The following NKAIN2 variants were observed in gnomAD, a reference collection of about 807,000 sequenced individuals.
The protein encoded by NKAIN2 is sodium/potassium-transporting ATPase subunit beta-1-interacting protein 2.
A neutral mutation model predicts 32.6 loss-of-function variants in NKAIN2; 14 were observed. The observed-to-expected ratio is 0.43, with a 90% CI of 0.28 to 0.67. The LOEUF is 0.67. Ranked by LOEUF, NKAIN2 falls within the 30% of genes least tolerant of loss-of-function variation. The pLI, the probability that NKAIN2 is intolerant of heterozygous loss-of-function variation, is 0.17. For synonymous variants in NKAIN2, 80 were observed against 87.2 expected, an observed-to-expected ratio of 0.92 and a Z score of 0.46; for missense variants, 198 against 258.3, an observed-to-expected ratio of 0.77 and a Z score of 1.60.
intron 3 of NKAIN2, among the ~76,000 whole-genome samples, chr6:124,545,798 G>T (rs546283584): frequency 6.6e-6 from 1 of 152,004 alleles, no homozygotes; most frequent in South Asian, 2.1e-4. Context: ...GGTAAAATTG[G>T]CTTTCACTTA....
chr6:124,320,137 T>A (rs552735055), intron 2 of NKAIN2, among the ~76,000 whole-genome samples: 69 of 152,278 alleles, frequency 4.5e-4, no homozygotes, highest in African/African-American at 1.6e-3. Context: ...GCTCTTTTAA[T>A]TGAGAAAATC....
chr6:124,250,985 CTAAAG>C (rs1317501848), intron 1 of NKAIN2, among the ~76,000 whole-genome samples: 23 of 151,666 alleles, frequency 1.5e-4, no homozygotes, highest in African/African-American at 5.1e-4. Context: ...TCTAAAACAG[CTAAAG>C]TAATCACTAA....
chr6:123,876,806 T>A (rs576393517), intron 1 of NKAIN2, among the ~76,000 whole-genome samples: 4 of 152,352 alleles, frequency 2.6e-5, no homozygotes, highest in African/African-American at 9.6e-5. Context: ...AATGCCAATC[T>A]TTTCTGGAAA....
At chr6:124,207,610 G>A (rs1790960589) in intron 1 of NKAIN2, among the ~76,000 whole-genome samples, 2 of 151,504 alleles carry the variant, frequency 1.3e-5, no homozygotes, top group South Asian at 4.2e-4. Context: ...ACTAAGCTTG[G>A]CACATAACTG....
At chr6:124,103,488 C>G (rs1375854299) in intron 1 of NKAIN2, among the ~76,000 whole-genome samples, 1 of 152,072 alleles carries the variant, frequency 6.6e-6, no homozygotes, top group Non-Finnish European at 1.5e-5. Flanking sequence ...ATCTTTAGTG[C>G]TATAACCTAA....
At chr6:124,192,228 T>C (rs1236977995) in intron 1 of NKAIN2, among the ~76,000 whole-genome samples, 1 of 152,214 alleles carries the variant, frequency 6.6e-6, no homozygotes, top group Non-Finnish European at 1.5e-5. Flanking sequence ...TATAGACATT[T>C]ACAACCATAA....
intron 3 of NKAIN2, among the ~76,000 whole-genome samples, chr6:124,356,635 C>T (rs1049037869): frequency 1.3e-5 from 2 of 151,990 alleles, no homozygotes; most frequent in South Asian, 2.1e-4. Context: ...AGGAAGGTGC[C>T]GTGACCAATG....
intron 1 of NKAIN2, among the ~76,000 whole-genome samples, chr6:123,913,078 A>G (rs575820330): frequency 2.0e-5 from 3 of 152,294 alleles, no homozygotes; most frequent in South Asian, 2.1e-4. Context: ...TCAATACCCA[A>G]TCATGATGGT....
chr6:124,277,294 T>G (rs182850327), intron 1 of NKAIN2, among the ~76,000 whole-genome samples: 10 of 152,260 alleles, frequency 6.6e-5, no homozygotes, highest in South Asian at 4.1e-4. Context: ...GGCCATTCTG[T>G]AGGTTAGGCT....
intron 3 of NKAIN2, among the ~76,000 whole-genome samples, chr6:124,400,520 G>T (rs1421966462): frequency 2.0e-5 from 3 of 152,118 alleles, no homozygotes. Context: ...TACTTGGCAT[G>T]CTGTGAATTT....
chr6:124,757,115 T>C (rs1178641951), intron 4 of NKAIN2, among the ~76,000 whole-genome samples: 1 of 152,162 alleles, frequency 6.6e-6, no homozygotes, highest in Non-Finnish European at 1.5e-5. Context: ...TCGCCCTTTT[T>C]ATTAGCAAAG....
chr6:123,949,680 C>T (rs7745908), intron 1 of NKAIN2, among the ~76,000 whole-genome samples: 12,675 of 151,858 alleles, frequency 0.083, 1,690 homozygotes, highest in African/African-American at 0.28. Flanking sequence ...ACTTATTTAT[C>T]GGTTTAAGAT....
intron 4 of NKAIN2, among the ~76,000 whole-genome samples, chr6:124,769,466 G>A (rs747078473): frequency 1.0e-3 from 158 of 152,204 alleles, no homozygotes; most frequent in Non-Finnish European, 1.4e-3. Flanking sequence ...ATTCAGAGAG[G>A]GAGGAATGAT....
chr6:124,381,452 C>A (rs1393403818), intron 3 of NKAIN2, among the ~76,000 whole-genome samples: 1 of 152,042 alleles, frequency 6.6e-6, no homozygotes, highest in Non-Finnish European at 1.5e-5. Flanking sequence ...TGGAAGAAAG[C>A]CATTTGCTTA....
intron 3 of NKAIN2, among the ~76,000 whole-genome samples, chr6:124,382,672 A>T (rs1772699652): frequency 1.3e-5 from 2 of 152,156 alleles, no homozygotes; most frequent in South Asian, 4.1e-4. Flanking sequence ...AGAAAACAGT[A>T]CCCCAAAATC....
At chr6:123,999,360 T>C (rs576745382) in intron 1 of NKAIN2, among the ~76,000 whole-genome samples, 2 of 152,268 alleles carry the variant, frequency 1.3e-5, no homozygotes, top group African/African-American at 4.8e-5. Context: ...GCTTGCCATG[T>C]GGGCAGAAAA....
intron 3 of NKAIN2, among the ~76,000 whole-genome samples, chr6:124,597,472 C>T (rs1363692008): frequency 6.6e-6 from 1 of 151,862 alleles, no homozygotes; most frequent in Non-Finnish European, 1.5e-5. Flanking sequence ...TACTACCTTC[C>T]CCTATACCAG....
At chr6:124,005,650 C>T (rs1304141706) in intron 1 of NKAIN2, among the ~76,000 whole-genome samples, 1 of 152,058 alleles carries the variant, frequency 6.6e-6, no homozygotes, top group Non-Finnish European at 1.5e-5. Context: ...AAAATAAAGA[C>T]ACAGATCTGT....
chr6:124,463,778 T>C (rs533071973), intron 3 of NKAIN2, among the ~76,000 whole-genome samples: 2 of 152,276 alleles, frequency 1.3e-5, no homozygotes, highest in African/African-American at 2.4e-5. Context: ...TAAAGATTGC[T>C]TTGTGTTTTT....
Sources: gnomAD v4.1 joint callset for allele counts (sites outside exome capture counted in the v4.1 genomes callset) on GRCh38, gnomAD v4.1.1 for gene constraint, MANE v1.5 for transcripts, NCBI Gene and HGNC (gene_info 2026-07-23, HGNC 2026-07-21) for gene names.